TNR: variants seen among roughly 807,000 people sequenced by gnomAD.
TNR encodes the protein tenascin-R.
Under a neutral mutation model 150.4 loss-of-function variants are expected in TNR, and 45 were observed. The observed-to-expected ratio is 0.30, with a 90% CI of 0.24 to 0.38. The LOEUF is 0.38. TNR is among the 10% of genes least tolerant of loss of function. The pLI is 1.00. For missense variants in TNR, 1,544 were observed against 1,759.1 expected (o/e 0.88, Z 2.19); for synonymous variants, 687 against 678.4 (o/e 1.01, Z -0.20).
intron 1 of TNR, among the ~76,000 whole-genome samples, chr1:175,742,812 A>G (rs1409900557): frequency 1.3e-5 from 2 of 152,124 alleles, no homozygotes; most frequent in Non-Finnish European, 2.9e-5. Flanking sequence ...CTTTCCCACC[A>G]TGGATGGCTT....
chr1:175,331,002 T>TTTC (rs1649729061), intron 20 of TNR, among the ~76,000 whole-genome samples: 1 of 27,874 alleles, frequency 3.6e-5, no homozygotes, highest in Non-Finnish European at 7.1e-5. Context: ...TTGGTGATTC[T>TTTC]TTCTTTCTTT....
At chr1:175,647,487 G>GAAAGAAGC (rs1365159619) in intron 1 of TNR, among the ~76,000 whole-genome samples, 1 of 150,762 alleles carries the variant, frequency 6.6e-6, no homozygotes, top group African/African-American at 2.5e-5. Context: ...CCTTTTAAGA[G>GAAAGAAGC]AAAGAAGCAA....
intron 1 of TNR, among the ~76,000 whole-genome samples, chr1:175,701,509 T>G (rs1052459644): frequency 6.6e-6 from 1 of 152,202 alleles, no homozygotes; most frequent in Non-Finnish European, 1.5e-5. Flanking sequence ...CCACACTGGA[T>G]GCACCCCTAC....
At chr1:175,643,354 G>A (rs1221532978) in intron 1 of TNR, among the ~76,000 whole-genome samples, 8 of 152,170 alleles carry the variant, frequency 5.3e-5, no homozygotes, top group Non-Finnish European at 1.2e-4. Context: ...AGGAGTTTTT[G>A]GCTTTTAAAC....
intron 1 of TNR, among the ~76,000 whole-genome samples, chr1:175,710,709 A>G (rs948548000): frequency 6.6e-6 from 1 of 152,148 alleles, no homozygotes; most frequent in African/African-American, 2.4e-5. Context: ...CCACTTTTTT[A>G]AAATGACTGC....
intron 1 of TNR, among the ~76,000 whole-genome samples, chr1:175,614,515 C>T (rs1663706280): frequency 6.6e-6 from 1 of 152,228 alleles, no homozygotes; most frequent in African/African-American, 2.4e-5. Flanking sequence ...TGACTTTTTC[C>T]ACTTTCTAGG....
intron 2 of TNR, among the ~76,000 whole-genome samples, chr1:175,451,973 G>A (rs1656344282): frequency 6.6e-6 from 1 of 152,182 alleles, no homozygotes. Flanking sequence ...CATGTGCTTT[G>A]GGTATTATGT....
intron 2 of TNR, among the ~76,000 whole-genome samples, chr1:175,441,594 G>A (rs778351504): frequency 1.2e-4 from 18 of 152,122 alleles, no homozygotes; most frequent in Non-Finnish European, 1.6e-4. Context: ...ACTTTCAAAA[G>A]ATTGTGGGAA....
chr1:175,534,969 A>G (rs1019604207), intron 1 of TNR, among the ~76,000 whole-genome samples: 1 of 152,122 alleles, frequency 6.6e-6, no homozygotes, highest in East Asian at 1.9e-4. Context: ...TCTTGCCACC[A>G]TGTGAAGAAG....
At chr1:175,495,120 C>A (rs746952598) in intron 2 of TNR, among the ~76,000 whole-genome samples, 1 of 152,186 alleles carries the variant, frequency 6.6e-6, no homozygotes, top group South Asian at 2.1e-4. Context: ...TGCCCAGTGA[C>A]TCATACTGGG....
intron 1 of TNR, among the ~76,000 whole-genome samples, chr1:175,637,545 GA>G (rs1223820563): frequency 6.6e-5 from 10 of 151,806 alleles, no homozygotes; most frequent in African/African-American, 1.4e-4. Flanking sequence ...AGTAGCAAAA[GA>G]AAAAAAATAG....
At chr1:175,708,629 G>A (rs545516204) in intron 1 of TNR, among the ~76,000 whole-genome samples, 2 of 152,292 alleles carry the variant, frequency 1.3e-5, no homozygotes, top group East Asian at 1.9e-4. Flanking sequence ...TGTGCGTGGA[G>A]ACAGACATCT....
chr1:175,715,180 T>C lies in TNR; in HGVS notation c.-165+28046A>G, dbSNP rs567484428. On this transcript the variant is annotated intron_variant, in intron 1 of 22. Transcript: ENST00000367674. ...AAGGATGAGAAGCACAGTTTGAAAA[T>C]ACATCCTGGGGTTTGTTTGCTTTGC... Among the ~76,000 whole-genome samples, 151 of 152,300 alleles carry C rather than the reference T, an allele frequency of 9.9e-4. 1 individual carries two copies. The highest frequency in any genetic ancestry group is 1.5e-3 in the Non-Finnish European group (103 of 68,030).
intron 1 of TNR, among the ~76,000 whole-genome samples, chr1:175,680,304 AG>A (rs2101909685): frequency 6.6e-6 from 1 of 152,164 alleles, no homozygotes; most frequent in East Asian, 1.9e-4. Flanking sequence ...GAAAAGGGAG[AG>A]GGGGCAGGGT....
intron 1 of TNR, among the ~76,000 whole-genome samples, chr1:175,560,093 G>C (rs940657537): frequency 2.0e-5 from 3 of 152,194 alleles, no homozygotes; most frequent in African/African-American, 7.2e-5. Context: ...TAAACCTTAA[G>C]TGTTTTTCAC....
intron 1 of TNR, among the ~76,000 whole-genome samples, chr1:175,636,411 C>G (rs56678359): frequency 0.021 from 3,252 of 152,126 alleles, 100 homozygotes; most frequent in African/African-American, 0.071. Flanking sequence ...ATGCCCCTGA[C>G]TCATAGTCTT....
intron 21 of TNR, among the ~76,000 whole-genome samples, chr1:175,325,227 G>A (rs1649302579): frequency 6.6e-6 from 1 of 152,086 alleles, no homozygotes; most frequent in African/African-American, 2.4e-5. Context: ...ATTAGTAGGT[G>A]GAGATGAAGA....
chr1:175,602,718 C>G (rs1308939000), intron 1 of TNR, among the ~76,000 whole-genome samples: 3 of 152,184 alleles, frequency 2.0e-5, no homozygotes, highest in Non-Finnish European at 1.5e-5. Context: ...AGAAAGAAAT[C>G]TCTATCAGTT....
intron 7 of TNR, among the ~76,000 whole-genome samples, chr1:175,389,190 G>A (rs754695910): frequency 6.6e-6 from 1 of 152,224 alleles, no homozygotes; most frequent in Admixed American, 6.5e-5. Context: ...AGGAATGAAA[G>A]AGCCTCAGAA....
Sources: allele counts gnomAD v4.1 joint callset (sites outside exome capture counted in the v4.1 genomes callset), GRCh38; gene constraint gnomAD v4.1.1; transcripts MANE v1.5; gene names NCBI Gene and HGNC (gene_info 2026-07-23, HGNC 2026-07-21).